ORC1: variants seen among roughly 807,000 people sequenced by gnomAD.
The protein encoded by ORC1 is origin recognition complex, subunit 1 homolog.
Under a neutral mutation model 98.9 loss-of-function variants are expected in ORC1, and 61 were observed. That is an observed-to-expected ratio of 0.62 (90% CI 0.50 to 0.76). ORC1 has a LOEUF of 0.76. Ranked by LOEUF, ORC1 falls within the 30% of genes least tolerant of loss-of-function variation. ORC1 has a pLI of 0.00. For synonymous variants in ORC1, 385 were observed against 406.9 expected (o/e 0.95, Z 0.65); for missense variants, 979 against 1,072.2 (o/e 0.91, Z 1.21).
intron 13 of ORC1, 43 bp downstream of exon 13, chr1:52,383,377 T>G (rs759100221): frequency 6.2e-7 from 1 of 1,610,452 alleles, no homozygotes; most frequent in Non-Finnish European, 8.5e-7. Flanking sequence ...TGGCCAAGCT[T>G]ACAGATCTGC....
At chr1:52,408,202 T>G, upstream of ORC1, 1 of 362,184 alleles carries the variant, frequency 2.8e-6, no homozygotes, top group Non-Finnish European at 5.4e-6. Context: ...ATCGTGCCAC[T>G]GCACTGCAGC....
intron 8 of ORC1, among the ~76,000 whole-genome samples, chr1:52,388,096 C>G (rs759292592): frequency 3.3e-5 from 5 of 152,184 alleles, no homozygotes; most frequent in Non-Finnish European, 7.3e-5. Flanking sequence ...AAAACTAACA[C>G]CACAGCTCGG....
At chr1:52,397,370 A>G (rs1045362568) in intron 4 of ORC1, among the ~76,000 whole-genome samples, 3 of 152,252 alleles carry the variant, frequency 2.0e-5, no homozygotes, top group Admixed American at 2.0e-4. Flanking sequence ...AAGCCAGCAT[A>G]TTCAGCCTCA....
At chr1:52,402,876 G>C (rs1442043013) in intron 1 of ORC1, among the ~76,000 whole-genome samples, 1 of 152,160 alleles carries the variant, frequency 6.6e-6, no homozygotes, top group African/African-American at 2.4e-5. Flanking sequence ...TAGTCTGGGT[G>C]ACAGAGCAGA....
Position 52,393,821 on chromosome 1 carries a change from A to G in ORC1, c.722-18T>C, listed in dbSNP as rs1647284094. 1 of 1,609,486 alleles carries G rather than the reference A, an allele frequency of 6.2e-7. No homozygotes were observed. The highest frequency in any genetic ancestry group is 1.3e-5 in the African/African-American group (1 of 74,942). On this transcript the variant is annotated intron_variant, in intron 5 of 16. Coordinates refer to ENST00000371568, the MANE Select transcript of ORC1 (RefSeq NM_004153.4). ...ACCTAAGTCTAAGAGAAATCATCACAATGTGTAAATTTTTTACCTAACAAT... is the reference window on the plus strand; with the variant it reads ...ACCTAAGTCTAAGAGAAATCATCACGATGTGTAAATTTTTTACCTAACAAT...
Position 52,375,331 on chromosome 1 carries a change from C to T in ORC1, c.2303+99G>A, listed in dbSNP as rs961623955. The T allele has an allele frequency of 1.4e-5, 15 of 1,041,004 alleles. No individual in the cohort carries two copies. In the African/African-American group the frequency reaches 2.3e-4, roughly 16 times the overall value. 64.5% of individuals were successfully genotyped at this position (1,041,004 alleles called of 1,614,324 possible). On this transcript the variant is annotated intron_variant, in intron 15 of 16. Coordinates refer to ENST00000371568, the MANE Select transcript of ORC1 (RefSeq NM_004153.4). ...TAGATAATGTCCCTATGAAACATAA[C>T]TGTGTTATTAATAAGTGCAGGTTGA... is the stretch of plus-strand genomic sequence containing the variant.
intron 5 of ORC1, among the ~76,000 whole-genome samples, chr1:52,394,532 A>T (rs1160851045): frequency 1.3e-5 from 2 of 152,216 alleles, no homozygotes; most frequent in African/African-American, 4.8e-5. Flanking sequence ...GAGTGCTCAT[A>T]AAGATGGCTT....
Position 52,396,381 on chromosome 1 carries a change from T to C in ORC1, c.403-17A>G, listed in dbSNP as rs763048892. 12 of 1,613,918 alleles carry C rather than the reference T, an allele frequency of 7.4e-6. No homozygotes were observed. Among genetic ancestry groups the C allele is most frequent in the East Asian group, 2.2e-5 (1 of 44,894 alleles). ...AGGTATCACCTGAATTTAGGAAGTA[T>C]AGATAAGTAGGAAGAGATGAGCCCC... On this transcript the variant is annotated splice_polypyrimidine_tract_variant and intron_variant, in intron 4 of 16. Transcript: ENST00000371568.
At chr1:52,379,793 T>G (rs61467987) in intron 14 of ORC1, among the ~76,000 whole-genome samples, 4 of 151,670 alleles carry the variant, frequency 2.6e-5, no homozygotes, top group Non-Finnish European at 5.9e-5. Context: ...ATTAGCTGGG[T>G]GTGGTGGTGT....
At chr1:52,376,067 C>T (rs1646991957) in intron 14 of ORC1, among the ~76,000 whole-genome samples, 1 of 152,062 alleles carries the variant, frequency 6.6e-6, no homozygotes, top group African/African-American at 2.4e-5. Context: ...GCTAAGAGGA[C>T]CAGAATCAAG....
intron 12 of ORC1, 21 bp from the exon 13 acceptor site, chr1:52,383,590 G>T (rs371684138): frequency 1.2e-6 from 2 of 1,613,824 alleles, no homozygotes; most frequent in Non-Finnish European, 1.7e-6. Context: ...AAAGGAGAGA[G>T]GTGCAGAGTC....
intron 4 of ORC1, among the ~76,000 whole-genome samples, 169 bp from the exon 5 acceptor site, chr1:52,396,533 C>T (rs1249427383): frequency 6.6e-6 from 1 of 152,176 alleles, no homozygotes; most frequent in Non-Finnish European, 1.5e-5. Flanking sequence ...TAGAAAAACA[C>T]ATAATAATGA....
In ORC1 at chr1:52,384,740, ACCCGTGGGGTAGGTCTCAG is replaced by A. The variant is rs1647120779; in HGVS notation, c.1584-38_1584-20del. The A allele has an allele frequency of 1.3e-6, 2 of 1,595,724 alleles. No homozygotes were observed. The highest frequency in any genetic ancestry group is 3.5e-5 in the Admixed American group (2 of 56,752). On this transcript the variant is annotated intron_variant, in intron 10 of 16. Coordinates refer to ENST00000371568, the MANE Select transcript of ORC1 (RefSeq NM_004153.4). ...CATGCACCTAGAGCAAGAGAGGAAA[ACCCGTGGGGTAGGTCTCAG>A]CCAGCCACTACACGTTATAATCAGT...
chr1:52,381,511 G>A, intron 14 of ORC1, 131 bp downstream of exon 14: 1 of 957,068 alleles, frequency 1.0e-6, no homozygotes, highest in Non-Finnish European at 1.6e-6. Flanking sequence ...TCATAATCTT[G>A]TCTTTTTTGA....
At chr1:52,391,048 C>T (rs950647697) in intron 6 of ORC1, among the ~76,000 whole-genome samples, 2 of 151,944 alleles carry the variant, frequency 1.3e-5, no homozygotes, top group African/African-American at 2.4e-5. Context: ...CAGTGGCTCA[C>T]GCCTGTAATC....
chr1:52,391,348 G>A (rs1328412242), intron 6 of ORC1, among the ~76,000 whole-genome samples: 2 of 150,770 alleles, frequency 1.3e-5, no homozygotes, highest in Non-Finnish European at 2.9e-5. Context: ...TGATAACATT[G>A]GAAAAAGTCT....
At chr1:52,377,978 G>A (rs1453773745) in intron 14 of ORC1, among the ~76,000 whole-genome samples, 2 of 152,102 alleles carry the variant, frequency 1.3e-5, no homozygotes, top group African/African-American at 4.8e-5. Flanking sequence ...AAATAGAGAG[G>A]GCTTTGAAAC....
At chr1:52,386,049 G>A in intron 8 of ORC1, 100 bp from the exon 9 acceptor site, 4 of 888,848 alleles carry the variant, frequency 4.5e-6, no homozygotes, top group Non-Finnish European at 7.4e-6. Context: ...AAAAGGAAGA[G>A]AGGTGGTGAA....
Position 52,396,366 on chromosome 1 carries a change from T to C in ORC1, c.403-2A>G. 1 of 1,614,136 alleles carries C rather than the reference T, an allele frequency of 6.2e-7. No individual in the cohort carries two copies. Among genetic ancestry groups the C allele is most frequent in the Non-Finnish European group, 8.5e-7 (1 of 1,180,020 alleles). On this transcript the variant is annotated splice_acceptor_variant, in intron 4 of 16. Transcript: ENST00000371568. LOFTEE classifies it high-confidence loss of function. The stretch of plus-strand genomic sequence containing the variant: ...ATCCTTTGGGGCTAAAGGTATCACC[T>C]GAATTTAGGAAGTATAGATAAGTAG...
Sources: gnomAD v4.1 joint callset for allele counts (sites outside exome capture counted in the v4.1 genomes callset) on GRCh38, gnomAD v4.1.1 for gene constraint, MANE v1.5 for transcripts, NCBI Gene and HGNC (gene_info 2026-07-23, HGNC 2026-07-21) for gene names.